Variants in SESN1 observed in about 807,000 individuals in gnomAD.
SESN1 encodes the protein sestrin 1, also known as sestrin-1.
SESN1 carries 30 observed loss-of-function variants against 59.3 expected under a neutral mutation model. The ratio of observed to expected loss-of-function variants is 0.51; its 90% CI spans 0.38 to 0.69. SESN1 has a LOEUF of 0.69. Among genes scored for constraint, SESN1 ranks in the 30% least tolerant of loss-of-function variants. The pLI is 0.00. For synonymous variants in SESN1, 197 were observed against 219.9 expected (o/e 0.90, Z 0.92); for missense variants, 566 against 673.0 (o/e 0.84, Z 1.76).
At chr6:109,000,378 CA>C (rs60352905) in intron 4 of SESN1, 112 bp downstream of exon 4, 21,490 of 730,890 alleles carry the variant, frequency 0.029, 574 homozygotes, top group African/African-American at 0.12. Flanking sequence ...GGAAGAGATT[CA>C]GGGGGTAGAA....
chr6:108,995,275 T>C (rs546786107), intron 5 of SESN1, among the ~76,000 whole-genome samples: 1 of 152,246 alleles, frequency 6.6e-6, no homozygotes, highest in Non-Finnish European at 1.5e-5. Context: ...ATAAATAAGA[T>C]ACACAAAGTA....
chr6:109,010,816 A>G (rs1422688259), intron 1 of SESN1, among the ~76,000 whole-genome samples: 1 of 152,254 alleles, frequency 6.6e-6, no homozygotes, highest in Non-Finnish European at 1.5e-5. Flanking sequence ...CACAGCCACA[A>G]AAACAAACAG....
rs1287845142 is a variant in SESN1 at position 109,094,180 on chromosome 6, A to T, written c.-107T>A. 7.9e-7 allele frequency: 1 copy of T among 1,262,436 alleles called. No individual in the cohort carries two copies. The highest frequency in any genetic ancestry group is 1.1e-6 in the Non-Finnish European group (1 of 916,936). The allele number at this position is 1,262,436 out of a possible 1,614,324, so 78.2% of individuals were successfully genotyped here. ...TGTAAAAATAAAATCAGAGAAATCA[A>T]ATCGTCATGAAAACACACATCTGGG... On this transcript the variant is annotated 5_prime_UTR_variant, in exon 1 of 10. It adds an upstream start codon to the 5' untranslated region. Coordinates refer to ENST00000436639, the MANE Select transcript of SESN1 (RefSeq NM_014454.3).
chr6:109,006,422 A>G (rs559558212), intron 1 of SESN1, among the ~76,000 whole-genome samples: 3 of 150,992 alleles, frequency 2.0e-5, no homozygotes, highest in South Asian at 2.1e-4. Context: ...TACATTAGGT[A>G]TATCTCCTAA....
intron 6 of SESN1, 154 bp from the exon 7 acceptor site, chr6:108,993,053 G>C (rs552659194): frequency 3.5e-6 from 2 of 571,738 alleles, no homozygotes; most frequent in Non-Finnish European, 6.1e-6. Flanking sequence ...TAGTTTACTT[G>C]CTAGTAAACA....
chr6:109,000,993 T>C (rs1223994803), intron 3 of SESN1, among the ~76,000 whole-genome samples: 1 of 152,206 alleles, frequency 6.6e-6, no homozygotes, highest in Non-Finnish European at 1.5e-5. Flanking sequence ...ATTATTTACA[T>C]CTTGAACAGG....
At chr6:109,000,386 A>T in intron 4 of SESN1, 105 bp downstream of exon 4, 2 of 807,898 alleles carry the variant, frequency 2.5e-6, no homozygotes, top group South Asian at 6.6e-5. Flanking sequence ...TTCAGGGGGT[A>T]GAAAATAGGA....
chr6:109,009,229 G>A, intron 1 of SESN1: 1 of 913,644 alleles, frequency 1.1e-6, no homozygotes, highest in Non-Finnish European at 1.5e-6. Context: ...CCTATCTGGG[G>A]AGCGTTTTCG....
At chr6:109,035,167 G>C (rs896022899) in intron 1 of SESN1, among the ~76,000 whole-genome samples, 1 of 151,860 alleles carries the variant, frequency 6.6e-6, no homozygotes, top group Non-Finnish European at 1.5e-5. Context: ...AACCACTCTA[G>C]GGTCCATTTT....
At chr6:109,061,274 C>A (rs971894043) in intron 1 of SESN1, among the ~76,000 whole-genome samples, 1 of 151,688 alleles carries the variant, frequency 6.6e-6, no homozygotes, top group Admixed American at 6.6e-5. Context: ...GACAGGCATG[C>A]GATCTAAGAA....
chr6:109,061,529 T>C (rs996938999), intron 1 of SESN1, among the ~76,000 whole-genome samples: 8 of 152,184 alleles, frequency 5.3e-5, no homozygotes, highest in African/African-American at 1.9e-4. Context: ...ACCTGCTGGG[T>C]GAGGTGGCTC....
chr6:109,077,879 T>C (rs138651640), intron 1 of SESN1, among the ~76,000 whole-genome samples: 1 of 152,286 alleles, frequency 6.6e-6, no homozygotes, highest in African/African-American at 2.4e-5. Flanking sequence ...TGCCATATGG[T>C]AAGCACTCAA....
At chr6:109,009,419 A>G in intron 1 of SESN1, 1 of 1,453,872 alleles carries the variant, frequency 6.9e-7, no homozygotes, top group Admixed American at 2.5e-5. Context: ...AGACCGCCAA[A>G]GGGGCCGTGT....
intron 5 of SESN1, 129 bp from the exon 6 acceptor site, chr6:108,994,738 T>G: frequency 1.2e-6 from 1 of 814,266 alleles, no homozygotes; most frequent in Non-Finnish European, 1.7e-6. Flanking sequence ...AGTCTTGCTC[T>G]GTTGCCCAGG....
At chr6:109,027,303 T>A (rs1780111218) in intron 1 of SESN1, among the ~76,000 whole-genome samples, 2 of 151,544 alleles carry the variant, frequency 1.3e-5, no homozygotes, top group Non-Finnish European at 2.9e-5. Flanking sequence ...TGAAACCCCG[T>A]CTCTACTAAA....
rs1779177307 is a variant in SESN1, at chr6:108,986,069, TAACA to T, written c.*1471_*1474del. On this transcript the variant is annotated 3_prime_UTR_variant, in exon 10 of 10. Coordinates refer to ENST00000436639, the MANE Select transcript of SESN1 (RefSeq NM_014454.3). ...CTCAATAAATGTTTTGAGGAGTAAC[TAACA>T]GAGTTATCATCACAACAGCTTCAGT... is the stretch of plus-strand genomic sequence containing the variant. Among the ~76,000 whole-genome samples the T allele has an allele frequency of 6.7e-6, 1 of 150,176 alleles. No individual in the cohort carries two copies. The highest frequency in any genetic ancestry group is 2.4e-5 in the African/African-American group (1 of 41,224).
At chr6:109,052,968 A>G (rs542644325) in intron 1 of SESN1, among the ~76,000 whole-genome samples, 1 of 152,314 alleles carries the variant, frequency 6.6e-6, no homozygotes, top group South Asian at 2.1e-4. Context: ...AAAGTAATTG[A>G]AAGTTGTAAA....
At chr6:109,068,372 A>G (rs997855079) in intron 1 of SESN1, among the ~76,000 whole-genome samples, 7 of 152,206 alleles carry the variant, frequency 4.6e-5, no homozygotes, top group Admixed American at 2.0e-4. Flanking sequence ...TGAGAATACA[A>G]AAGAGTTATT....
intron 1 of SESN1, among the ~76,000 whole-genome samples, chr6:109,036,131 G>A (rs1780243959): frequency 6.6e-6 from 1 of 152,108 alleles, no homozygotes; most frequent in Non-Finnish European, 1.5e-5. Context: ...GGTACACTTA[G>A]GAAAGAGAGG....
Sources: gnomAD v4.1 joint callset for allele counts (sites outside exome capture counted in the v4.1 genomes callset) on GRCh38, gnomAD v4.1.1 for gene constraint, MANE v1.5 for transcripts, NCBI Gene and HGNC (gene_info 2026-07-23, HGNC 2026-07-21) for gene names.